ANKS4B: variants seen among roughly 807,000 people sequenced by gnomAD.
The protein encoded by ANKS4B is ankyrin repeat and sterile alpha motif domain containing 4B, also known as ankyrin repeat and SAM domain-containing protein 4B.
A neutral mutation model predicts 20.2 loss-of-function variants in ANKS4B; 21 were observed. The observed-to-expected ratio is 1.04, with a 90% confidence interval of 0.74 to 1.50. The LOEUF (loss-of-function observed/expected upper bound fraction) is 1.50. Among genes scored for constraint, ANKS4B ranks in the 40% most tolerant of loss-of-function variants. The probability of loss-of-function intolerance (pLI) is 0.00; values close to 1 mark genes in which losing one functional copy is unlikely to be tolerated. For missense variants in ANKS4B, 473 were observed against 494.6 expected (o/e 0.96, Z 0.41); for synonymous variants, 179 against 194.5 (o/e 0.92, Z 0.66).
chr16:21,236,165 G>A (rs1465791511), intron 1 of ANKS4B, among the ~76,000 whole-genome samples: 1 of 152,114 alleles, frequency 6.6e-6, no homozygotes, highest in African/African-American at 2.4e-5. Context: ...AGAAGGAAAA[G>A]GCATCTCACA....
rs1022751437 is a variant in ANKS4B, at chr16:21,242,579, A to G, written c.165-7152A>G. ...TATTTCACTTAACATACTGTCCTCC[A>G]GGCTCATCCATGTTGTCGAAAATGA... On this transcript the variant is annotated intron_variant, in intron 1 of 1. Coordinates refer to ENST00000311620, the MANE Select transcript of ANKS4B (RefSeq NM_145865.3). Among the ~76,000 whole-genome samples the G allele has an allele frequency of 3.3e-5, 5 of 152,288 alleles. No homozygotes were observed. In the East Asian group the frequency reaches 9.7e-4, roughly 29 times the overall value.
Position 21,250,745 on chromosome 16 carries a change from G to T in ANKS4B, c.1179G>T (p.Lys393Asn). ...TACAAATGCAGCTGGGTCCCAGGAAGAAAGTTCTGAATGCTATCAACAGGA... is the reference window on the plus strand; with the variant it reads ...TACAAATGCAGCTGGGTCCCAGGAATAAAGTTCTGAATGCTATCAACAGGA... ...QSIQMQLGPRKKVLNAINRRK... is the reference protein window; with the variant it reads ...QSIQMQLGPRNKVLNAINRRK... The change falls in exon 2 of 2, where the codon AAG (lysine) becomes AAT (asparagine). Residue 393 changes from lysine (K) to asparagine (N), a missense_variant. Lys to Asn is a moderately conservative substitution (Grantham distance 94). Transcript: ENST00000311620. 1.2e-6 allele frequency: 2 copies of T among 1,609,650 alleles called. No individual in the cohort carries two copies. The highest frequency in any genetic ancestry group is 1.7e-4 in the Middle Eastern group (1 of 6,022).
intron 1 of ANKS4B, among the ~76,000 whole-genome samples, chr16:21,247,933 G>A (rs1287591471): frequency 6.6e-6 from 1 of 152,204 alleles, no homozygotes; most frequent in African/African-American, 2.4e-5. Context: ...GAAGTAAGTT[G>A]AGGAATAAAT....
At chr16:21,238,502 T>C (rs1048962346) in intron 1 of ANKS4B, among the ~76,000 whole-genome samples, 13 of 151,768 alleles carry the variant, frequency 8.6e-5, no homozygotes, top group Non-Finnish European at 1.5e-4. Flanking sequence ...TATATACGTA[T>C]AAGTCTATCA....
chr16:21,248,020 T>C (rs2093334389), intron 1 of ANKS4B, among the ~76,000 whole-genome samples: 2 of 152,200 alleles, frequency 1.3e-5, no homozygotes, highest in South Asian at 2.1e-4. Context: ...CTTTTCTTTC[T>C]TCTTTCCTGC....
intron 1 of ANKS4B, among the ~76,000 whole-genome samples, chr16:21,246,657 C>T (rs1158143865): frequency 1.3e-5 from 2 of 151,796 alleles, no homozygotes; most frequent in African/African-American, 4.8e-5. Context: ...ATGGAAAAGC[C>T]CAGTTGTGTT....
At chr16:21,247,851 C>A (rs113234310) in intron 1 of ANKS4B, among the ~76,000 whole-genome samples, 2 of 152,148 alleles carry the variant, frequency 1.3e-5, no homozygotes, top group Non-Finnish European at 1.5e-5. Flanking sequence ...GGCCTTAATA[C>A]CATCTAATAG....
chr16:21,234,815 G>A (rs2093318285), intron 1 of ANKS4B, among the ~76,000 whole-genome samples: 1 of 152,036 alleles, frequency 6.6e-6, no homozygotes, highest in African/African-American at 2.4e-5. Flanking sequence ...TTTGAGAGGG[G>A]AAGACAAGAC....
In ANKS4B at chr16:21,250,322, G is replaced by T. The variant is rs776429674; in HGVS notation, c.756G>T (p.Leu252Phe). Residue 252 changes from leucine (L) to phenylalanine (F), a missense_variant, in exon 2 of 2, where the codon TTG (leucine) becomes TTT (phenylalanine). Leu to Phe is a conservative substitution (Grantham distance 22). Coordinates refer to ENST00000311620, the MANE Select transcript of ANKS4B (RefSeq NM_145865.3). ...FSGDFKEKLQ[L>F]SAEEDGSVHH... ...GGGACTTCAAAGAGAAGCTCCAGTT[G>T]TCAGCAGAGGAGGACGGCAGTGTGC... 6.2e-7 allele frequency: 1 copy of T among 1,614,214 alleles called. No homozygotes were observed. The highest frequency in any genetic ancestry group is 8.5e-7 in the Non-Finnish European group (1 of 1,180,044).
intron 1 of ANKS4B, among the ~76,000 whole-genome samples, chr16:21,244,241 C>T (rs936067523): frequency 3.3e-5 from 5 of 151,922 alleles, no homozygotes; most frequent in African/African-American, 1.2e-4. Flanking sequence ...GGGAGGGGAA[C>T]ATCACACACC....
chr16:21,236,366 G>A (rs1264223357), intron 1 of ANKS4B, among the ~76,000 whole-genome samples: 6 of 152,126 alleles, frequency 3.9e-5, no homozygotes, highest in Non-Finnish European at 8.8e-5. Flanking sequence ...TTTGAGGTTT[G>A]TTCCCCACCA....
At chr16:21,248,384 C>T (rs550751555) in intron 1 of ANKS4B, among the ~76,000 whole-genome samples, 1 of 148,030 alleles carries the variant, frequency 6.8e-6, no homozygotes, top group East Asian at 2.0e-4. Context: ...GACAGTGGTG[C>T]AATCATAGGT....
intron 1 of ANKS4B, among the ~76,000 whole-genome samples, chr16:21,237,522 C>T (rs973168641): frequency 7.9e-5 from 12 of 151,878 alleles, no homozygotes; most frequent in African/African-American, 2.2e-4. Context: ...GCCCTGTCTC[C>T]GCTTCCAAGA....
At chr16:21,235,195 G>A (rs2093318811) in intron 1 of ANKS4B, among the ~76,000 whole-genome samples, 1 of 152,114 alleles carries the variant, frequency 6.6e-6, no homozygotes, top group African/African-American at 2.4e-5. Context: ...CACTAAATAG[G>A]CATCTACCTC....
In ANKS4B at chr16:21,250,021, G is replaced by A. The variant is rs2093336890; in HGVS notation, c.455G>A (p.Arg152Lys). ...AGGAGGCAGATCAAAGAGTGTGAGA[G>A]GCTCCAGGAGAAGCACCAAAATAAG... ...NARRQIKECERLQEKHQNKMA... is the reference protein window; with the variant it reads ...NARRQIKECEKLQEKHQNKMA... Residue 152 changes from arginine (R) to lysine (K), a missense_variant, in exon 2 of 2, where the codon AGG (arginine) becomes AAG (lysine). Transcript: ENST00000311620. The A allele has an allele frequency of 6.2e-7, 1 of 1,614,070 alleles. No homozygotes were observed. The highest frequency in any genetic ancestry group is 8.5e-7 in the Non-Finnish European group (1 of 1,180,052).
intron 1 of ANKS4B, among the ~76,000 whole-genome samples, chr16:21,234,427 C>T (rs1443619881): frequency 6.6e-6 from 1 of 151,230 alleles, no homozygotes; most frequent in Non-Finnish European, 1.5e-5. Context: ...GTTGCTGGCT[C>T]TACAAGGACT....
intron 1 of ANKS4B, among the ~76,000 whole-genome samples, chr16:21,245,548 A>G (rs900065588): frequency 3.9e-5 from 6 of 151,968 alleles, no homozygotes; most frequent in Admixed American, 3.3e-4. Flanking sequence ...ATCTCGGCTC[A>G]CTGCAATCTC....
intron 1 of ANKS4B, among the ~76,000 whole-genome samples, chr16:21,240,780 T>A (rs574789054): frequency 3.4e-4 from 51 of 152,046 alleles, no homozygotes; most frequent in Non-Finnish European, 6.2e-4. Flanking sequence ...ATTTTTTTTT[T>A]AATAATTTCA....
chr16:21,240,639 G>A (rs985008656), intron 1 of ANKS4B, among the ~76,000 whole-genome samples: 1 of 151,886 alleles, frequency 6.6e-6, no homozygotes, highest in Non-Finnish European at 1.5e-5. Flanking sequence ...TTTCCTTTGA[G>A]TACATGCAAA....
Sources: allele counts gnomAD v4.1 joint callset (sites outside exome capture counted in the v4.1 genomes callset), GRCh38; gene constraint gnomAD v4.1.1; transcripts MANE v1.5; gene names NCBI Gene and HGNC (gene_info 2026-07-23, HGNC 2026-07-21).